C1QTNF7: variants seen among roughly 807,000 people sequenced by gnomAD.
C1QTNF7 encodes complement C1q tumor necrosis factor-related protein 7.
Under a neutral mutation model 19.6 loss-of-function variants are expected in C1QTNF7, and 15 were observed. The ratio of observed to expected loss-of-function variants is 0.76; its 90% CI spans 0.51 to 1.18. The LOEUF (loss-of-function observed/expected upper bound fraction) is 1.18. Among genes scored for constraint, C1QTNF7 ranks in the 50% most tolerant of loss-of-function variants. The pLI is 0.00. For missense variants in C1QTNF7, 324 were observed against 359.7 expected (o/e 0.90, Z 0.80); for synonymous variants, 142 against 137.5 (o/e 1.03, Z -0.23).
At chr4:15,379,881 C>T (rs374784336) in intron 1 of C1QTNF7, among the ~76,000 whole-genome samples, 1 of 152,198 alleles carries the variant, frequency 6.6e-6, no homozygotes, top group Admixed American at 6.5e-5. Flanking sequence ...AAGTCTACAT[C>T]CATGCAAGGC....
chr4:15,404,476 T>TA (rs1166329567), intron 1 of C1QTNF7, among the ~76,000 whole-genome samples: 1 of 152,246 alleles, frequency 6.6e-6, no homozygotes, highest in Admixed American at 6.5e-5. Flanking sequence ...AGTTAACACT[T>TA]ATAAAGTATT....
At chr4:15,389,978 T>C (rs899707719) in intron 1 of C1QTNF7, among the ~76,000 whole-genome samples, 2 of 152,172 alleles carry the variant, frequency 1.3e-5, no homozygotes, top group African/African-American at 4.8e-5. Flanking sequence ...AGAGGTCCTT[T>C]GATATTATGA....
In C1QTNF7 at chr4:15,379,088, A is replaced by G. The variant is rs1325167593; in HGVS notation, c.13+38881A>G. Among the ~76,000 whole-genome samples, 9 of 152,336 alleles carry G rather than the reference A, an allele frequency of 5.9e-5. No homozygotes were observed. In the South Asian group the frequency reaches 1.7e-3, roughly 28 times the overall value. ...TAGAATATATGGGTCAATATTTTCA[A>G]TTTTCAAGTACTGTTATTTTTTGCT... On this transcript the variant is annotated intron_variant, in intron 1 of 2. Transcript: ENST00000295297.
At chr4:15,352,761 T>C (rs114133078) in intron 1 of C1QTNF7, among the ~76,000 whole-genome samples, 4,389 of 152,234 alleles carry the variant, frequency 0.029, 106 homozygotes, top group Admixed American at 0.06. Context: ...ACTGTTCATC[T>C]CCACCATCTG....
chr4:15,401,286 C>T (rs1278212880), intron 1 of C1QTNF7, among the ~76,000 whole-genome samples: 4 of 152,098 alleles, frequency 2.6e-5, no homozygotes, highest in African/African-American at 9.7e-5. Flanking sequence ...GACCTTGCAG[C>T]CACAACAAAA....
intron 1 of C1QTNF7, among the ~76,000 whole-genome samples, chr4:15,428,440 A>C (rs532133281): frequency 3.3e-5 from 5 of 152,316 alleles, no homozygotes; most frequent in South Asian, 4.1e-4. Flanking sequence ...AAACTTTATC[A>C]ATAATGAACT....
rs539411472 is a variant in C1QTNF7, at chr4:15,347,011, C to A, written c.13+6804C>A. On this transcript the variant is annotated intron_variant, in intron 1 of 2. Transcript: ENST00000295297. ...ATGTTGAACCACATAAACTTTCTAA[C>A]TTTCAACCACTTTATTACCTACAAA... Among the ~76,000 whole-genome samples, 9 of 152,324 alleles carry A rather than the reference C, an allele frequency of 5.9e-5. No homozygotes were observed. In the South Asian group the frequency reaches 1.4e-3, roughly 25 times the overall value.
chr4:15,368,069 C>A (rs114932982), intron 1 of C1QTNF7, among the ~76,000 whole-genome samples: 3 of 152,146 alleles, frequency 2.0e-5, no homozygotes, highest in African/African-American at 4.8e-5. Flanking sequence ...CTTTCTGTCC[C>A]TGACCTCATG....
At chr4:15,431,876 A>G (rs1712326993) in intron 1 of C1QTNF7, among the ~76,000 whole-genome samples, 1 of 152,244 alleles carries the variant, frequency 6.6e-6, no homozygotes, top group Non-Finnish European at 1.5e-5. Context: ...GTTAGAAGTG[A>G]AAAGTACAAT....
intron 1 of C1QTNF7, among the ~76,000 whole-genome samples, chr4:15,389,108 G>A (rs1718456928): frequency 1.3e-5 from 2 of 152,224 alleles, no homozygotes; most frequent in South Asian, 2.1e-4. Context: ...GGATACAGGG[G>A]ACTTTGCTGA....
At chr4:15,400,783 G>A (rs1718958595) in intron 1 of C1QTNF7, among the ~76,000 whole-genome samples, 1 of 152,194 alleles carries the variant, frequency 6.6e-6, no homozygotes, top group Non-Finnish European at 1.5e-5. Flanking sequence ...AAAGGTTTAT[G>A]TACTGATGCA....
chr4:15,413,345 T>C (rs776179613), intron 1 of C1QTNF7, among the ~76,000 whole-genome samples: 12 of 152,210 alleles, frequency 7.9e-5, no homozygotes, highest in Non-Finnish European at 1.6e-4. Flanking sequence ...AGGCACCTAG[T>C]AGGCACTAAA....
intron 1 of C1QTNF7, among the ~76,000 whole-genome samples, chr4:15,354,939 G>C (rs1717080643): frequency 6.6e-6 from 1 of 152,118 alleles, no homozygotes; most frequent in Non-Finnish European, 1.5e-5. Flanking sequence ...ATTCGCATGT[G>C]TTTCACCACA....
intron 1 of C1QTNF7, among the ~76,000 whole-genome samples, chr4:15,364,720 C>T (rs1207536238): frequency 6.6e-6 from 1 of 152,116 alleles, no homozygotes; most frequent in Admixed American, 6.5e-5. Flanking sequence ...ATGTATGGAA[C>T]ACCACCGTGG....
Position 15,442,841 on chromosome 4 carries a change from G to A in C1QTNF7, c.*42G>A, listed in dbSNP as rs150973007. Reference sequence around the variant, plus strand: ...TGTGGTAAACACTCTGATTGAATCTGGGGTTCCAGAAGGTGGAACAAGCAG... The same window carrying A: ...TGTGGTAAACACTCTGATTGAATCTAGGGTTCCAGAAGGTGGAACAAGCAG... On this transcript the variant is annotated 3_prime_UTR_variant, in exon 3 of 3. Coordinates refer to ENST00000444304, the MANE Select transcript of C1QTNF7 (RefSeq NM_031911.5). The A allele has an allele frequency of 6.6e-7, 1 of 1,523,774 alleles. No homozygotes were observed. The allele number at this position is 1,523,774 out of a possible 1,614,324, so 94.4% of individuals were successfully genotyped here.
intron 1 of C1QTNF7, among the ~76,000 whole-genome samples, chr4:15,380,322 A>C (rs1198546057): frequency 6.6e-6 from 1 of 152,218 alleles, no homozygotes; most frequent in Admixed American, 6.5e-5. Flanking sequence ...AGGAAGGTCT[A>C]AGAATGCTGT....
chr4:15,411,982 C>T (rs997457071), intron 1 of C1QTNF7, among the ~76,000 whole-genome samples: 4 of 152,136 alleles, frequency 2.6e-5, no homozygotes, highest in South Asian at 2.1e-4. Context: ...GTATTTACAG[C>T]TGCTCCCCAT....
At position 15,399,397 on chromosome 4, in the gene C1QTNF7, AG is replaced by A. The variant is rs540808516; in HGVS notation, c.14-36337del. Among the ~76,000 whole-genome samples the A allele has an allele frequency of 1.1e-4, 17 of 152,280 alleles. No individual in the cohort carries two copies. The South Asian group carries it at 3.5e-3, about 32-fold the overall frequency. On this transcript the variant is annotated intron_variant, in intron 1 of 2. Coordinates refer to the C1QTNF7 transcript ENST00000295297. Reference sequence around the variant, plus strand: ...TTCCAGCAGCTCTGAATATCTCTGTAGGCTCCGCAGATAGTAGTTAAGAACA... The same window carrying A: ...TTCCAGCAGCTCTGAATATCTCTGTAGCTCCGCAGATAGTAGTTAAGAACA...
intron 1 of C1QTNF7, among the ~76,000 whole-genome samples, chr4:15,399,254 GAC>G (rs756978386): frequency 6.6e-6 from 1 of 152,098 alleles, no homozygotes; most frequent in Non-Finnish European, 1.5e-5. Context: ...ATTTTAGAGA[GAC>G]AGTTAACTTT....
Sources: allele counts gnomAD v4.1 joint callset (sites outside exome capture counted in the v4.1 genomes callset), GRCh38; gene constraint gnomAD v4.1.1; transcripts MANE v1.5; gene names NCBI Gene and HGNC (gene_info 2026-07-23, HGNC 2026-07-21).